The following WNT11 variants were observed in gnomAD, a reference collection of about 807,000 sequenced individuals.
The protein encoded by WNT11 is Wnt family member 11, also known as protein Wnt-11.
WNT11 carries 20 observed loss-of-function variants against 35.6 expected under a neutral mutation model. The observed-to-expected ratio is 0.56, with a 90% CI of 0.40 to 0.82. The LOEUF is 0.82. Among genes scored for constraint, WNT11 ranks in the 40% least tolerant of loss-of-function variants. WNT11 has a pLI of 0.00. For missense variants in WNT11, 459 were observed against 504.4 expected (o/e 0.91, Z 0.86); for synonymous variants, 200 against 211.9 (o/e 0.94, Z 0.49).
chr11:76,194,431 G>A lies in WNT11; in HGVS notation c.597+136C>T, dbSNP rs1279495238. The A allele has an allele frequency of 1.5e-5, 16 of 1,036,900 alleles. No homozygotes were observed. The highest frequency in any genetic ancestry group is 2.2e-5 in the Non-Finnish European group (16 of 727,950). The allele number at this position is 1,036,900 out of a possible 1,614,324, so 64.2% of individuals were successfully genotyped here. ...CGAGGGAAGGGCTGAGGATGAGGATGGTGCGAGGCACATCAGGTGTGGGCC... is the reference window on the plus strand; with the variant it reads ...CGAGGGAAGGGCTGAGGATGAGGATAGTGCGAGGCACATCAGGTGTGGGCC... On this transcript the variant is annotated intron_variant, in intron 3 of 4. Transcript: ENST00000322563. This position sits in a 1 kb window ranked among gnomAD's most constrained non-coding sequence, Gnocchi z 5.4.
At position 76,194,894 on chromosome 11, in the gene WNT11, C is replaced by G. The variant is rs756866999; in HGVS notation, c.320-50G>C. 4.3e-5 allele frequency: 62 copies of G among 1,445,214 alleles called. No homozygotes were observed. The highest frequency in any genetic ancestry group is 4.7e-5 in the Non-Finnish European group (52 of 1,103,832). 89.5% of individuals were successfully genotyped at this position (1,445,214 alleles called of 1,614,324 possible). On this transcript the variant is annotated intron_variant, in intron 2 of 4. Coordinates refer to ENST00000322563, the MANE Select transcript of WNT11 (RefSeq NM_004626.3). The surrounding 1 kb of genome is among the most constrained non-coding windows in gnomAD (Gnocchi z 5.4). The stretch of plus-strand genomic sequence containing the variant: ...CCGACGCTGATCCAGGGCTAGGACC[C>G]TGCCCAGGTCAGAGGTCCTCCACCT...
At position 76,186,761 on chromosome 11, in the gene WNT11, C is replaced by T. The variant is rs1158069068; in HGVS notation, c.*304G>A. The stretch of plus-strand genomic sequence containing the variant: ...TCTCTGTGGCCCTGAAAGGTCAAGT[C>T]TGTATCAGTCTCACCGATCCCAAGC... On this transcript the variant is annotated 3_prime_UTR_variant, in exon 5 of 5. Transcript: ENST00000322563. 1.2e-5 allele frequency: 6 copies of T among 494,946 alleles called. No homozygotes were observed. The highest frequency in any genetic ancestry group is 2.4e-5 in the Non-Finnish European group (6 of 254,164). 30.7% of individuals were successfully genotyped at this position (494,946 alleles called of 1,614,324 possible).
At chr11:76,196,419 C>T in intron 2 of WNT11, 64 bp downstream of exon 2, 1 of 1,579,288 alleles carries the variant, frequency 6.3e-7, no homozygotes, top group Non-Finnish European at 8.7e-7. Flanking sequence ...TAAACACACA[C>T]AGATTGATGC....
chr11:76,202,299 G>A (rs1308476389), intron 1 of WNT11, among the ~76,000 whole-genome samples: 4 of 152,174 alleles, frequency 2.6e-5, no homozygotes, highest in African/African-American at 4.8e-5. Flanking sequence ...TGCTGATGAG[G>A]GCTGCGGGCT....
intron 4 of WNT11, among the ~76,000 whole-genome samples, chr11:76,189,963 G>A (rs1051010609): frequency 6.6e-6 from 1 of 152,176 alleles, no homozygotes; most frequent in Non-Finnish European, 1.5e-5. Context: ...TGTGAAGGAA[G>A]CCAGGAGGGT....
intron 1 of WNT11, among the ~76,000 whole-genome samples, chr11:76,200,146 G>T (rs987631689): frequency 6.6e-6 from 1 of 151,940 alleles, no homozygotes; most frequent in Non-Finnish European, 1.5e-5. Context: ...TGGTTAGGGC[G>T]GCGTGACTCG....
chr11:76,187,116 G>A lies in WNT11; in HGVS notation c.1014C>T (p.Tyr338=), dbSNP rs144527675. Residue 338 remains tyrosine (Y), a synonymous_variant, in exon 5 of 5, where the codon TAC becomes TAT. Coordinates refer to ENST00000322563, the MANE Select transcript of WNT11 (RefSeq NM_004626.3). ...RCHCKYHWCC[Y]VTCRRCERTV... ...TACGCTCACACCTGCGGCAGGTGAC[G>A]TAGCAGCACCAGTGGTACTTACAGT... 79 of 1,612,356 alleles carry A rather than the reference G, an allele frequency of 4.9e-5. No homozygotes were observed. The African/African-American group carries it at 8.4e-4, about 17-fold the overall frequency.
rs116790027 is a variant in WNT11 at position 76,186,733 on chromosome 11, T to C, written c.*332A>G. ...GGCGGGCAGACCCCTTCCCGGAGGC[T>C]GGTCTCTGTGGCCCTGAAAGGTCAA... is the stretch of plus-strand genomic sequence containing the variant. On this transcript the variant is annotated 3_prime_UTR_variant, in exon 5 of 5. Coordinates refer to ENST00000322563, the MANE Select transcript of WNT11 (RefSeq NM_004626.3). 1.1e-3 allele frequency: 472 copies of C among 424,666 alleles called. No individual in the cohort carries two copies. Among genetic ancestry groups the C allele is most frequent in the Non-Finnish European group, 1.9e-3 (400 of 216,134 alleles). The allele number at this position is 424,666 out of a possible 1,614,324, so 26.3% of individuals were successfully genotyped here. A position where few individuals can be genotyped will look rare whatever the true frequency, so the allele number is the denominator to read the frequency against.
chr11:76,203,275 A>C (rs180937907), intron 1 of WNT11, among the ~76,000 whole-genome samples: 158 of 152,342 alleles, frequency 1.0e-3, no homozygotes, highest in African/African-American at 3.7e-3. Context: ...TGCAGAACTC[A>C]GGCTGGGCCT....
At chr11:76,199,757 C>CTCCA (rs1953345741) in intron 1 of WNT11, among the ~76,000 whole-genome samples, 1 of 152,160 alleles carries the variant, frequency 6.6e-6, no homozygotes, top group South Asian at 2.1e-4. Context: ...TGACACTGCA[C>CTCCA]TCCAGCCTGG....
Position 76,187,015 on chromosome 11 carries a change from A to G in WNT11, c.*50T>C, listed in dbSNP as rs752729969. ...TCCAGGCCCCTGGCCCCAGTTGCTG[A>G]GGGTCCTTGAGCAGAGTCCTCGCTC... On this transcript the variant is annotated 3_prime_UTR_variant, in exon 5 of 5. Coordinates refer to ENST00000322563, the MANE Select transcript of WNT11 (RefSeq NM_004626.3). 1 of 1,601,902 alleles carries G rather than the reference A, an allele frequency of 6.2e-7. No homozygotes were observed. Among genetic ancestry groups the G allele is most frequent in the South Asian group, 1.1e-5 (1 of 90,962 alleles).
chr11:76,201,594 G>A (rs986524407), intron 1 of WNT11, among the ~76,000 whole-genome samples: 4 of 152,152 alleles, frequency 2.6e-5, no homozygotes, highest in African/African-American at 9.7e-5. Flanking sequence ...GTTCACAGGC[G>A]AGGCCCGAGC....
chr11:76,203,828 C>A (rs966223936), intron 1 of WNT11, among the ~76,000 whole-genome samples: 6 of 152,214 alleles, frequency 3.9e-5, no homozygotes, highest in African/African-American at 1.2e-4. Context: ...TGGGTGAGTC[C>A]CCGGCTTTCC....
At chr11:76,209,872 G>A (rs1477538544), upstream of WNT11, among the ~76,000 whole-genome samples, 2 of 151,902 alleles carry the variant, frequency 1.3e-5, no homozygotes, top group Non-Finnish European at 2.9e-5. Context: ...GTGCCTCGGG[G>A]CCGGGGACAG....
rs781372656 is a variant in WNT11 at position 76,196,599 on chromosome 11, G to A, written c.203C>T (p.Thr68Met). 56 of 1,613,516 alleles carry A rather than the reference G, an allele frequency of 3.5e-5. No individual in the cohort carries two copies. The highest frequency in any genetic ancestry group is 2.0e-4 in the East Asian group (9 of 44,896). ...LCRSNLELMHTVVHAAREVMK... is the reference protein window; with the variant it reads ...LCRSNLELMHMVVHAAREVMK... ...GACCTCGCGGGCGGCGTGCACCACC[G>A]TGTGCATGAGCTCCAGGTTGCTGCG... Residue 68 changes from threonine (T) to methionine (M), a missense_variant, in exon 2 of 5, where the codon ACG (threonine) becomes ATG (methionine). Transcript: ENST00000322563.
chr11:76,189,369 G>A (rs1032437758), intron 4 of WNT11, among the ~76,000 whole-genome samples: 19 of 151,402 alleles, frequency 1.3e-4, no homozygotes, highest in African/African-American at 2.4e-4. Context: ...GGGAAGGGCC[G>A]TTGGATGCCT....
At chr11:76,195,919 G>T (rs943833750) in intron 2 of WNT11, among the ~76,000 whole-genome samples, 2 of 152,168 alleles carry the variant, frequency 1.3e-5, no homozygotes, top group Non-Finnish European at 1.5e-5. Flanking sequence ...CTACTGGGGC[G>T]CTTCTGTCTG....
At chr11:76,193,400 A>G (rs536965883) in intron 3 of WNT11, among the ~76,000 whole-genome samples, 4 of 151,848 alleles carry the variant, frequency 2.6e-5, no homozygotes, top group African/African-American at 4.8e-5. Context: ...CCTGGCCATG[A>G]TGGTGGGCGT....
intron 2 of WNT11, chr11:76,195,114 C>T (rs1170715294): frequency 4.1e-6 from 2 of 483,340 alleles, no homozygotes; most frequent in Non-Finnish European, 7.3e-6. Flanking sequence ...ACCCACTTGC[C>T]CTGCACTGGC....
Sources: gnomAD v4.1 joint callset for allele counts (sites outside exome capture counted in the v4.1 genomes callset) on GRCh38, gnomAD v4.1.1 for gene constraint, Gnocchi (gnomAD v3.1) non-coding constraint, MANE v1.5 for transcripts, NCBI Gene and HGNC (gene_info 2026-07-23, HGNC 2026-07-21) for gene names.